The following CRPPA variants were observed in gnomAD, a reference collection of about 807,000 sequenced individuals.
CRPPA encodes D-ribitol-5-phosphate cytidylyltransferase.
In CRPPA, 43 loss-of-function variants were observed where a neutral mutation model predicts 52.0. The ratio of observed to expected loss-of-function variants is 0.83; its 90% CI spans 0.65 to 1.07. The LOEUF (loss-of-function observed/expected upper bound fraction) is 1.07. Ranked by LOEUF, CRPPA falls within the 50% of genes least tolerant of loss-of-function variation. The pLI, the probability that CRPPA is intolerant of heterozygous loss-of-function variation, is 0.00. For synonymous variants in CRPPA, 250 were observed against 203.5 expected (o/e 1.23, Z -1.94); for missense variants, 629 against 551.7 (o/e 1.14, Z -1.40).
At chr7:16,154,809 CTTT>C (rs549480340) in intron 9 of CRPPA, among the ~76,000 whole-genome samples, 5 of 132,008 alleles carry the variant, frequency 3.8e-5, no homozygotes, top group Admixed American at 7.7e-5. Context: ...CAAGATGGGT[CTTT>C]TTTTTTTTTT....
chr7:16,148,719 G>T (rs1316135503), intron 9 of CRPPA, among the ~76,000 whole-genome samples: 1 of 152,028 alleles, frequency 6.6e-6, no homozygotes, highest in Non-Finnish European at 1.5e-5. Context: ...CTATAGTAGG[G>T]TAAATAGAGT....
intron 3 of CRPPA, among the ~76,000 whole-genome samples, chr7:16,319,716 T>C (rs1262282239): frequency 6.6e-6 from 1 of 152,162 alleles, no homozygotes. Context: ...GGCTTTCCTA[T>C]TCGGCAGTCA....
chr7:16,171,728 G>A (rs1261529993), intron 9 of CRPPA, among the ~76,000 whole-genome samples: 1 of 152,212 alleles, frequency 6.6e-6, no homozygotes, highest in Non-Finnish European at 1.5e-5. Flanking sequence ...AGGAGGCGGA[G>A]CTTGCAGTGA....
intron 9 of CRPPA, among the ~76,000 whole-genome samples, chr7:16,198,883 A>C (rs1019709993): frequency 3.9e-5 from 6 of 152,080 alleles, no homozygotes; most frequent in Non-Finnish European, 8.8e-5. Context: ...AAGTAGTAAG[A>C]ACTGTAGAAC....
At position 16,180,297 on chromosome 7, in the gene CRPPA, G is replaced by A. The variant is rs188473549; in HGVS notation, c.1251+35769C>T. 1.0e-3 allele frequency among the ~76,000 whole-genome samples: 155 copies of A among 151,996 alleles called. 1 individual carries two copies. Among genetic ancestry groups the A allele is most frequent in the African/African-American group, 3.2e-3 (133 of 41,506 alleles). On this transcript the variant is annotated intron_variant, in intron 9 of 9. Transcript: ENST00000407010. ...GTAATGCTAATATACAGATAGGGCCGGGAACCAGAAATATAGGTACAATTT... is the reference window on the plus strand; with the variant it reads ...GTAATGCTAATATACAGATAGGGCCAGGAACCAGAAATATAGGTACAATTT...
chr7:16,112,174 G>T (rs1275387480), intron 9 of CRPPA, among the ~76,000 whole-genome samples: 1 of 152,174 alleles, frequency 6.6e-6, no homozygotes, highest in South Asian at 2.1e-4. Flanking sequence ...AATTAGCCAG[G>T]TGTGGTGGCA....
At chr7:16,182,793 T>A (rs1583413612) in intron 9 of CRPPA, among the ~76,000 whole-genome samples, 1 of 151,774 alleles carries the variant, frequency 6.6e-6, no homozygotes, top group Admixed American at 6.6e-5. Flanking sequence ...AAGTTTGTCA[T>A]CATCTTACCT....
chr7:16,326,752 T>A (rs1785401430), intron 3 of CRPPA, among the ~76,000 whole-genome samples: 1 of 152,168 alleles, frequency 6.6e-6, no homozygotes, highest in Non-Finnish European at 1.5e-5. Context: ...TTGTGAAAGA[T>A]CTCAGGATGA....
At chr7:16,125,809 G>A (rs1390253955) in intron 9 of CRPPA, among the ~76,000 whole-genome samples, 1 of 150,614 alleles carries the variant, frequency 6.6e-6, no homozygotes, top group South Asian at 2.1e-4. Context: ...GTAACCTCAG[G>A]ACACATGCCT....
intron 3 of CRPPA, among the ~76,000 whole-genome samples, chr7:16,357,512 G>T (rs1447436017): frequency 6.6e-6 from 1 of 151,952 alleles, no homozygotes; most frequent in Non-Finnish European, 1.5e-5. Flanking sequence ...GTGTGCAGCC[G>T]CCCTCCTCTG....
intron 3 of CRPPA, among the ~76,000 whole-genome samples, chr7:16,341,329 T>C (rs1457452624): frequency 6.6e-6 from 1 of 151,998 alleles, no homozygotes; most frequent in East Asian, 1.9e-4. Context: ...ATATTGATCA[T>C]GGGAAAGGCT....
intron 8 of CRPPA, among the ~76,000 whole-genome samples, chr7:16,254,105 T>C (rs1465287699): frequency 6.6e-6 from 1 of 152,158 alleles, no homozygotes; most frequent in Admixed American, 6.5e-5. Context: ...CCGGAGAGGA[T>C]GTGGAGAAAT....
chr7:16,375,752 C>T (rs763594775), intron 3 of CRPPA, among the ~76,000 whole-genome samples: 7 of 152,110 alleles, frequency 4.6e-5, no homozygotes, highest in East Asian at 1.9e-4. Flanking sequence ...GATGACCAAT[C>T]GAACACCCTG....
chr7:16,164,228 A>T (rs565416236), intron 9 of CRPPA, among the ~76,000 whole-genome samples: 12 of 151,970 alleles, frequency 7.9e-5, no homozygotes, highest in African/African-American at 2.9e-4. Flanking sequence ...TTGTTCTCTA[A>T]TCTTGTCTTC....
intron 9 of CRPPA, among the ~76,000 whole-genome samples, chr7:16,113,881 G>C (rs751432059): frequency 6.6e-6 from 1 of 151,898 alleles, no homozygotes; most frequent in Non-Finnish European, 1.5e-5. Flanking sequence ...GAGCAGGAAG[G>C]CATGGAAAAT....
At chr7:16,410,418 T>C (rs1788052459) in intron 1 of CRPPA, among the ~76,000 whole-genome samples, 1 of 152,204 alleles carries the variant, frequency 6.6e-6, no homozygotes, top group Non-Finnish European at 1.5e-5. Context: ...TATTAGCAAG[T>C]GGTGAGTGAC....
At chr7:16,242,710 T>G (rs1180188043) in intron 8 of CRPPA, among the ~76,000 whole-genome samples, 1 of 152,216 alleles carries the variant, frequency 6.6e-6, no homozygotes, top group Non-Finnish European at 1.5e-5. Context: ...TAGATTTTTC[T>G]TCTTAAGACA....
chr7:16,391,022 C>G (rs1213003141), intron 2 of CRPPA, among the ~76,000 whole-genome samples: 1 of 152,140 alleles, frequency 6.6e-6, no homozygotes, highest in Non-Finnish European at 1.5e-5. Context: ...ACTTTAAACA[C>G]CATCTACATG....
chr7:16,381,099 A>G (rs80072649), intron 2 of CRPPA, among the ~76,000 whole-genome samples: 10 of 151,454 alleles, frequency 6.6e-5, no homozygotes, highest in African/African-American at 2.4e-4. Flanking sequence ...TCAATTTTGG[A>G]TCTTTCCTGC....
Sources: gnomAD v4.1 joint callset for allele counts (sites outside exome capture counted in the v4.1 genomes callset) on GRCh38, gnomAD v4.1.1 for gene constraint, MANE v1.5 for transcripts, NCBI Gene and HGNC (gene_info 2026-07-23, HGNC 2026-07-21) for gene names.